EYS: variants seen among roughly 807,000 people sequenced by gnomAD.
The protein encoded by EYS is EGF-like photoreceptor maintenance factor.
EYS carries 250 observed loss-of-function variants against 282.1 expected under a neutral mutation model. That is an observed-to-expected ratio of 0.89 (90% CI 0.80 to 0.98). The LOEUF (loss-of-function observed/expected upper bound fraction) is 0.98. Ranked by LOEUF, EYS falls within the 50% of genes least tolerant of loss-of-function variation. The pLI is 0.00. For synonymous variants in EYS, 1,355 were observed against 1,282.9 expected (o/e 1.06, Z -1.20); for missense variants, 4,016 against 3,709.0 (o/e 1.08, Z -2.15).
chr6:65,643,079 C>A (rs1367940947), intron 1 of EYS, among the ~76,000 whole-genome samples: 1 of 152,196 alleles, frequency 6.6e-6, no homozygotes, highest in African/African-American at 2.4e-5. Flanking sequence ...CCCTGAGATG[C>A]CAAAACATTG....
At chr6:64,588,867 T>G (rs1435120680) in intron 26 of EYS, among the ~76,000 whole-genome samples, 2 of 151,920 alleles carry the variant, frequency 1.3e-5, no homozygotes, top group African/African-American at 4.8e-5. Context: ...GGAAGGAGAT[T>G]AGGAGATGTA....
At chr6:65,153,047 C>T (rs1369561076) in intron 12 of EYS, among the ~76,000 whole-genome samples, 1 of 151,236 alleles carries the variant, frequency 6.6e-6, no homozygotes. Flanking sequence ...GTAATCTCTA[C>T]CTTGAATATT....
At chr6:63,935,305 G>A (rs1244163624) in intron 35 of EYS, among the ~76,000 whole-genome samples, 2 of 152,224 alleles carry the variant, frequency 1.3e-5, no homozygotes, top group African/African-American at 4.8e-5. Context: ...TGAATGACGA[G>A]TTATTGTCCT....
chr6:64,211,582 C>T (rs1765772784), intron 31 of EYS, among the ~76,000 whole-genome samples: 2 of 133,106 alleles, frequency 1.5e-5, no homozygotes, highest in Non-Finnish European at 3.2e-5. Flanking sequence ...TATTTTTTTT[C>T]ATATATTAAT....
intron 31 of EYS, among the ~76,000 whole-genome samples, chr6:64,154,440 CAAAAAAA>C (rs397819570): frequency 2.8e-3 from 167 of 59,498 alleles, no homozygotes; most frequent in African/African-American, 7.5e-3. Context: ...AACTCCGTCT[CAAAAAAA>C]AAAAAAAAAA....
At chr6:64,579,939 A>T (rs1450745143) in intron 26 of EYS, among the ~76,000 whole-genome samples, 1 of 152,096 alleles carries the variant, frequency 6.6e-6, no homozygotes, top group Non-Finnish European at 1.5e-5. Flanking sequence ...ACTCTTAGCC[A>T]TCATTAAGTT....
chr6:65,340,366 A>C (rs1770152832), intron 10 of EYS, among the ~76,000 whole-genome samples: 1 of 151,042 alleles, frequency 6.6e-6, no homozygotes, highest in African/African-American at 2.4e-5. Flanking sequence ...ATTTTAATAC[A>C]AAAAAAATTA....
At chr6:65,053,292 G>C (rs1468226018) in intron 13 of EYS, among the ~76,000 whole-genome samples, 1 of 151,668 alleles carries the variant, frequency 6.6e-6, no homozygotes, top group Admixed American at 6.6e-5. Flanking sequence ...CACTCAAGGT[G>C]CCATATCTTA....
chr6:65,175,878 G>C (rs1387728153), intron 12 of EYS, among the ~76,000 whole-genome samples: 1 of 151,482 alleles, frequency 6.6e-6, no homozygotes, highest in African/African-American at 2.4e-5. Flanking sequence ...GGTATGCTTA[G>C]TTAGTTGTGC....
At chr6:65,428,575 G>A (rs1013175343) in intron 5 of EYS, among the ~76,000 whole-genome samples, 1 of 151,708 alleles carries the variant, frequency 6.6e-6, no homozygotes, top group African/African-American at 2.4e-5. Context: ...AATCTATGCT[G>A]TTTTTTGATT....
chr6:65,522,060 T>C (rs1767394259), intron 2 of EYS, among the ~76,000 whole-genome samples: 3 of 152,270 alleles, frequency 2.0e-5, no homozygotes, highest in Admixed American at 1.3e-4. Context: ...TACAATTCTA[T>C]CAAATCTTGG....
At chr6:64,025,971 T>A (rs1195765515) in intron 33 of EYS, among the ~76,000 whole-genome samples, 2 of 152,240 alleles carry the variant, frequency 1.3e-5, no homozygotes, top group East Asian at 3.8e-4. Flanking sequence ...GTCCTCCTTG[T>A]GGTCTAGGGG....
chr6:64,162,486 T>C (rs1775137562), intron 31 of EYS, among the ~76,000 whole-genome samples: 1 of 152,102 alleles, frequency 6.6e-6, no homozygotes, highest in South Asian at 2.1e-4. Flanking sequence ...TGGTGCCCTT[T>C]GTCCCTTAGA....
intron 28 of EYS, among the ~76,000 whole-genome samples, chr6:64,398,296 C>T (rs1773439329): frequency 2.6e-5 from 4 of 151,886 alleles, no homozygotes; most frequent in African/African-American, 9.7e-5. Context: ...AAATGATTCT[C>T]TTTCAGTAAG....
At chr6:64,171,464 T>C (rs1764477770) in intron 31 of EYS, among the ~76,000 whole-genome samples, 2 of 152,200 alleles carry the variant, frequency 1.3e-5, no homozygotes, top group Admixed American at 6.5e-5. Flanking sequence ...ATTTCAATTA[T>C]AGCCATATCT....
At chr6:65,216,542 A>T (rs1287316511) in intron 12 of EYS, among the ~76,000 whole-genome samples, 1 of 151,908 alleles carries the variant, frequency 6.6e-6, no homozygotes, top group Non-Finnish European at 1.5e-5. Flanking sequence ...TGTGAGAAGC[A>T]CTAGTTTGCT....
Position 65,353,355 on chromosome 6 carries a change from G to T in EYS, c.1459+103C>A, listed in dbSNP as rs9453265. The T allele has an allele frequency of 9.2e-6, 9 of 983,224 alleles. No individual in the cohort carries two copies. In the Admixed American group the frequency reaches 1.8e-4, roughly 20 times the overall value. 60.9% of individuals were successfully genotyped at this position (983,224 alleles called of 1,614,324 possible). On this transcript the variant is annotated intron_variant, in intron 9 of 42. Coordinates refer to ENST00000503581, the MANE Select transcript of EYS (RefSeq NM_001142800.2). The stretch of plus-strand genomic sequence containing the variant: ...TAATTTTATTTTTAGTTTATATTAC[G>T]TTTTGAGATATAAAATACTTTGTGT...
intron 26 of EYS, among the ~76,000 whole-genome samples, chr6:64,502,281 C>T (rs1461396092): frequency 1.3e-5 from 2 of 151,940 alleles, no homozygotes; most frequent in African/African-American, 4.8e-5. Context: ...CCCTCTGTCG[C>T]CCAGGCTGGA....
intron 1 of EYS, among the ~76,000 whole-genome samples, chr6:65,692,090 T>C (rs2149845413): frequency 6.6e-6 from 1 of 150,440 alleles, no homozygotes; most frequent in African/African-American, 2.4e-5. Flanking sequence ...GCAATACTAC[T>C]CAGGAATAAA....
Sources: allele counts gnomAD v4.1 joint callset (sites outside exome capture counted in the v4.1 genomes callset), GRCh38; gene constraint gnomAD v4.1.1; transcripts MANE v1.5; gene names NCBI Gene and HGNC (gene_info 2026-07-23, HGNC 2026-07-21).